DNAH7: variants seen among roughly 807,000 people sequenced by gnomAD.
DNAH7 encodes axonemal beta dynein heavy chain 7.
Under a neutral mutation model 444.6 loss-of-function variants are expected in DNAH7, and 397 were observed. The observed-to-expected ratio is 0.89, with a 90% confidence interval of 0.82 to 0.97. DNAH7 has a LOEUF of 0.97. DNAH7 is among the 50% of genes least tolerant of loss of function. The pLI is 0.00. For synonymous variants in DNAH7, 1,636 were observed against 1,624.4 expected (o/e 1.01, Z -0.17); for missense variants, 4,902 against 4,800.8 (o/e 1.02, Z -0.62).
rs374099408 is a variant in DNAH7 at position 195,882,007 on chromosome 2, C to T, written c.5764-15G>A. On this transcript the variant is annotated splice_polypyrimidine_tract_variant and intron_variant, in intron 35 of 64. Transcript: ENST00000312428. The stretch of plus-strand genomic sequence containing the variant: ...TTTCCTATTCCCTGTTTATAATTAA[C>T]AACCAAGTAATGAATGCTATAAAAT... The T allele has an allele frequency of 4.4e-5, 71 of 1,605,154 alleles. No individual in the cohort carries two copies. The African/African-American group carries it at 9.0e-4, about 20-fold the overall frequency.
rs1240802878 is a variant in DNAH7 at position 195,885,032 on chromosome 2, T to A, written c.5539-223A>T. On this transcript the variant is annotated intron_variant, in intron 34 of 64. Transcript: ENST00000312428. ...AAGATGATACAAAACAAAGTATACATTCTGGCCATAGTGAAACTTCAGAAT... is the reference window on the plus strand; with the variant it reads ...AAGATGATACAAAACAAAGTATACAATCTGGCCATAGTGAAACTTCAGAAT... 1.3e-5 allele frequency among the ~76,000 whole-genome samples: 2 copies of A among 152,318 alleles called. 1 individual carries two copies. Among genetic ancestry groups the A allele is most frequent in the South Asian group, 4.1e-4 (2 of 4,830 alleles).
chr2:195,958,434 C>A (rs1368697973), intron 18 of DNAH7, among the ~76,000 whole-genome samples: 3 of 152,094 alleles, frequency 2.0e-5, no homozygotes, highest in African/African-American at 7.2e-5. Flanking sequence ...TTCTGGTTAA[C>A]AGTAGGCTAT....
At chr2:195,902,125 A>T (rs74509817) in intron 27 of DNAH7, 219 of 152,258 alleles carry the variant, frequency 1.4e-3, no homozygotes, top group African/African-American at 5.1e-3. Flanking sequence ...ATTACCAAAA[A>T]CTCAAGGTAG....
chr2:195,945,181 A>T (rs1689717068), intron 19 of DNAH7, among the ~76,000 whole-genome samples: 1 of 152,178 alleles, frequency 6.6e-6, no homozygotes, highest in Non-Finnish European at 1.5e-5. Flanking sequence ...AAAGGAATTT[A>T]ACACAGGGAA....
intron 17 of DNAH7, among the ~76,000 whole-genome samples, chr2:195,968,953 TC>T (rs1332830565): frequency 1.3e-5 from 2 of 152,198 alleles, no homozygotes; most frequent in Admixed American, 6.5e-5. Flanking sequence ...ACGCTGTCCC[TC>T]CCCGACGTGT....
Position 196,010,725 on chromosome 2 carries a change from G to A in DNAH7, c.989+2062C>T, listed in dbSNP as rs542393517. ...GAAAATATAGTGTGTGTATGTGTGT[G>A]TGTATAGTATATAAAATGTAAACAA... is the stretch of plus-strand genomic sequence containing the variant. On this transcript the variant is annotated intron_variant, in intron 10 of 64. Coordinates refer to ENST00000312428, the MANE Select transcript of DNAH7 (RefSeq NM_018897.3). Among the ~76,000 whole-genome samples the A allele has an allele frequency of 2.6e-5, 4 of 152,172 alleles. No homozygotes were observed. The South Asian group carries it at 8.3e-4, about 32-fold the overall frequency.
intron 8 of DNAH7, among the ~76,000 whole-genome samples, chr2:196,022,185 C>T (rs1364378513): frequency 1.3e-5 from 2 of 152,124 alleles, no homozygotes; most frequent in Non-Finnish European, 2.9e-5. Context: ...AAAATACTAA[C>T]AATCATCTGG....
At chr2:196,012,701 G>A in intron 10 of DNAH7, 86 bp downstream of exon 10, 1 of 1,326,172 alleles carries the variant, frequency 7.5e-7, no homozygotes, top group Non-Finnish European at 1.0e-6. Context: ...CATTAAAATT[G>A]GATCTTCTAA....
At chr2:195,909,794 C>T (rs1687249697) in intron 25 of DNAH7, among the ~76,000 whole-genome samples, 1 of 152,160 alleles carries the variant, frequency 6.6e-6, no homozygotes, top group Admixed American at 6.5e-5. Context: ...CCACTTATTC[C>T]AACCAGTAAT....
intron 47 of DNAH7, among the ~76,000 whole-genome samples, chr2:195,841,157 C>T (rs900147683): frequency 1.4e-4 from 21 of 151,886 alleles, no homozygotes; most frequent in South Asian, 1.0e-3. Context: ...TAAAGGCAAT[C>T]CGATTTTAAA....
chr2:195,778,080 A>G (rs1169993312), intron 58 of DNAH7, 95 bp from the exon 59 acceptor site: 17 of 1,225,770 alleles, frequency 1.4e-5, no homozygotes, highest in Non-Finnish European at 1.7e-5. Context: ...AACATCTTAC[A>G]AAAAGTTCGC....
chr2:195,927,211 C>G (rs185801701), intron 21 of DNAH7, among the ~76,000 whole-genome samples: 228 of 152,242 alleles, frequency 1.5e-3, no homozygotes, highest in African/African-American at 5.4e-3. Flanking sequence ...ACTTTTTCTA[C>G]CAGCCATCGG....
At chr2:195,888,642 GAT>G (rs147715420) in intron 32 of DNAH7, among the ~76,000 whole-genome samples, 155 bp downstream of exon 32, 18,234 of 152,056 alleles carry the variant, frequency 0.12, 1,422 homozygotes, top group Middle Eastern at 0.25. Context: ...AATTAGTCAA[GAT>G]ATGTCAACAG....
intron 46 of DNAH7, among the ~76,000 whole-genome samples, chr2:195,847,789 G>C (rs933163114): frequency 6.6e-6 from 1 of 152,128 alleles, no homozygotes; most frequent in Admixed American, 6.5e-5. Context: ...ACCAGTAGGA[G>C]AGACGGAAAA....
In DNAH7 at chr2:195,771,690, ATC is replaced by A; in HGVS notation, c.11401_11402del (p.Asp3801PhefsTer20). Reference protein sequence around the residue: ...RFNKLLKTIRDSCVNIQKAIK... With the variant: ...RFNKLLKTIRXSCVNIQKAIK... The stretch of plus-strand genomic sequence containing the variant: ...TTGCTTTTTGAATATTTACGCACGA[ATC>A]TCTTATGGTCTTCAGTAACTTATTG... On this transcript the variant is annotated frameshift_variant, in exon 61 of 65. Transcript: ENST00000312428. LOFTEE classifies it high-confidence loss of function. The A allele has an allele frequency of 6.2e-7, 1 of 1,613,760 alleles. No individual in the cohort carries two copies. Among genetic ancestry groups the A allele is most frequent in the Non-Finnish European group, 8.5e-7 (1 of 1,179,702 alleles).
rs184004535 is a variant in DNAH7 at position 196,040,153 on chromosome 2, C to T, written c.398+7199G>A. 6.8e-4 allele frequency among the ~76,000 whole-genome samples: 103 copies of T among 152,250 alleles called. 1 individual carries two copies. The highest frequency in any genetic ancestry group is 2.5e-4 in the Non-Finnish European group (17 of 68,006). On this transcript the variant is annotated intron_variant, in intron 5 of 64. Coordinates refer to ENST00000312428, the MANE Select transcript of DNAH7 (RefSeq NM_018897.3). ...TGAATTCTATGAAAATTTTAAAGTA[C>T]TAACACCAATTTTTCTCAAACTATT...
At chr2:195,819,054 A>G (rs1360663691) in intron 49 of DNAH7, among the ~76,000 whole-genome samples, 2 of 151,944 alleles carry the variant, frequency 1.3e-5, no homozygotes, top group Admixed American at 1.3e-4. Flanking sequence ...GGAATCCCAT[A>G]CACACTATCT....
In DNAH7 at chr2:195,738,125, C is replaced by T. The variant is rs116269254; in HGVS notation, c.11871G>A (p.Met3957Ile). 349 of 1,613,528 alleles carry T rather than the reference C, an allele frequency of 2.2e-4. No homozygotes were observed. In the African/African-American group the frequency reaches 3.4e-3, roughly 16 times the overall value. The change falls in exon 65 of 65, where the codon ATG becomes ATA. Residue 3957 changes from methionine (M) to isoleucine (I), a missense_variant and splice_region_variant. Transcript: ENST00000312428. Reference sequence around the variant, plus strand: ...CTGCCCTCTTACAGGGCTTTAGCCACATCTGGAAGAAAGTACATAACACCT... The same window carrying T: ...CTGCCCTCTTACAGGGCTTTAGCCATATCTGGAAGAAAGTACATAACACCT... ...PKILYDTVPV[M>I]WLKPCKRADI...
At chr2:196,029,820 A>G (rs561848417) in intron 5 of DNAH7, among the ~76,000 whole-genome samples, 3 of 152,318 alleles carry the variant, frequency 2.0e-5, no homozygotes, top group African/African-American at 7.2e-5. Flanking sequence ...CAGAGAAAAT[A>G]TGATGTACTT....
Sources: gnomAD v4.1 joint callset for allele counts (sites outside exome capture counted in the v4.1 genomes callset) on GRCh38, gnomAD v4.1.1 for gene constraint, MANE v1.5 for transcripts, NCBI Gene and HGNC (gene_info 2026-07-23, HGNC 2026-07-21) for gene names.